G3BP2: variants seen among roughly 807,000 people sequenced by gnomAD.
G3BP2 encodes the protein ras GTPase-activating protein-binding protein 2.
Under a neutral mutation model 56.7 loss-of-function variants are expected in G3BP2, and 11 were observed. The ratio of observed to expected loss-of-function variants is 0.19; its 90% CI spans 0.12 to 0.32. The LOEUF is 0.32. Among genes scored for constraint, G3BP2 ranks in the 10% least tolerant of loss-of-function variants. G3BP2 has a pLI of 1.00. For synonymous variants in G3BP2, 165 were observed against 191.6 expected (o/e 0.86, Z 1.15); for missense variants, 340 against 610.9 (o/e 0.56, Z 4.67).
intron 3 of G3BP2, among the ~76,000 whole-genome samples, chr4:75,703,167 A>G (rs3821977): frequency 0.73 from 110,882 of 152,092 alleles, 41,094 homozygotes; most frequent in East Asian, 0.89. Context: ...GAGAATGTGC[A>G]GACAGGAGGA....
At chr4:75,656,519 A>T (rs946104117) in intron 5 of G3BP2, among the ~76,000 whole-genome samples, 3 of 152,196 alleles carry the variant, frequency 2.0e-5, no homozygotes, top group African/African-American at 7.2e-5. Context: ...ACATCAATGG[A>T]AGATCAATTA....
At chr4:75,694,885 G>T (rs1719039027) in intron 3 of G3BP2, 1 of 985,472 alleles carries the variant, frequency 1.0e-6, no homozygotes, top group Non-Finnish European at 1.2e-6. Flanking sequence ...AGCCGAAGGG[G>T]TTTTCAGTAG....
intron 1 of G3BP2, among the ~76,000 whole-genome samples, chr4:75,666,866 G>C (rs763274903): frequency 6.6e-6 from 1 of 152,160 alleles, no homozygotes; most frequent in Non-Finnish European, 1.5e-5. Flanking sequence ...GAATATGGGA[G>C]TAAAAGGTTT....
upstream of G3BP2, among the ~76,000 whole-genome samples, chr4:75,677,460 A>C (rs1733921280): frequency 6.6e-6 from 1 of 152,142 alleles, no homozygotes; most frequent in Non-Finnish European, 1.5e-5. Flanking sequence ...AGTCCCAGCT[A>C]CTGGGGAGGC....
intron 3 of G3BP2, among the ~76,000 whole-genome samples, chr4:75,687,978 C>T (rs1006819782): frequency 1.3e-5 from 2 of 152,212 alleles, no homozygotes; most frequent in African/African-American, 2.4e-5. Context: ...CAGGTGGCTG[C>T]AGTTTTCCTG....
chr4:75,673,128 T>C (rs960302977), intron 1 of G3BP2, 80 bp downstream of exon 1: 27 of 1,099,838 alleles, frequency 2.5e-5, no homozygotes, highest in African/African-American at 4.9e-5. Flanking sequence ...CACCGGACGA[T>C]TGCCTCGCGC....
chr4:75,650,741 T>A (rs182901279), intron 8 of G3BP2, among the ~76,000 whole-genome samples: 1 of 152,278 alleles, frequency 6.6e-6, no homozygotes, highest in Admixed American at 6.5e-5. Context: ...CTTACTCTAT[T>A]GCCCAGGCTG....
chr4:75,681,446 A>T (rs566775072), intron 3 of G3BP2, among the ~76,000 whole-genome samples: 10 of 152,330 alleles, frequency 6.6e-5, no homozygotes, highest in African/African-American at 2.4e-4. Flanking sequence ...GAAACACCAG[A>T]CAATACCAAA....
intron 2 of G3BP2, among the ~76,000 whole-genome samples, chr4:75,659,886 T>C (rs1732416146): frequency 6.6e-6 from 1 of 152,232 alleles, no homozygotes; most frequent in East Asian, 1.9e-4. Context: ...TGGCAATGTT[T>C]TCTACAGAAC....
upstream of G3BP2, chr4:75,673,884 CACCT>C (rs959012952): frequency 1.6e-5 from 3 of 184,138 alleles, no homozygotes; most frequent in African/African-American, 7.0e-5. Context: ...ACACTAAACT[CACCT>C]ACATTGTTTA....
At chr4:75,704,289 T>C (rs915200065) in intron 3 of G3BP2, among the ~76,000 whole-genome samples, 6 of 152,162 alleles carry the variant, frequency 3.9e-5, no homozygotes, top group Middle Eastern at 3.4e-3. Context: ...AGTGCTGGGA[T>C]TACAGGCGTG....
At chr4:75,699,804 C>A (rs1448660301) in intron 3 of G3BP2, among the ~76,000 whole-genome samples, 2 of 152,060 alleles carry the variant, frequency 1.3e-5, no homozygotes, top group Admixed American at 1.3e-4. Context: ...CCATATTATA[C>A]TATTTATTCA....
At chr4:75,706,572 G>C (rs1447114451) in intron 3 of G3BP2, among the ~76,000 whole-genome samples, 1 of 151,790 alleles carries the variant, frequency 6.6e-6, no homozygotes, top group African/African-American at 2.4e-5. Flanking sequence ...AGCTACTCAG[G>C]AGGCTGAGGT....
intron 1 of G3BP2, among the ~76,000 whole-genome samples, chr4:75,664,351 C>A (rs1578402038): frequency 6.6e-6 from 1 of 151,640 alleles, no homozygotes; most frequent in Non-Finnish European, 1.5e-5. Flanking sequence ...CCAAGGTGGG[C>A]AGATCGCCTG....
intron 9 of G3BP2, 74 bp downstream of exon 9, chr4:75,648,565 G>A: frequency 1.3e-6 from 1 of 770,264 alleles, no homozygotes; most frequent in Admixed American, 2.1e-5. Flanking sequence ...ACGCATCATA[G>A]TTTTTTGTTT....
At chr4:75,676,054 A>G (rs887245392), upstream of G3BP2, among the ~76,000 whole-genome samples, 2 of 152,192 alleles carry the variant, frequency 1.3e-5, no homozygotes, top group African/African-American at 4.8e-5. Context: ...GCGATCTTCA[A>G]TGTTAAGTAA....
chr4:75,652,724 T>A (rs74393945), intron 8 of G3BP2, among the ~76,000 whole-genome samples: 1,628 of 152,256 alleles, frequency 0.011, 36 homozygotes, highest in African/African-American at 0.038. Flanking sequence ...TAAATGTCTG[T>A]GAGTTACTCT....
chr4:75,677,453 C>A (rs1039077212), upstream of G3BP2, among the ~76,000 whole-genome samples: 1 of 152,072 alleles, frequency 6.6e-6, no homozygotes, highest in African/African-American at 2.4e-5. Context: ...CACCTGTAGT[C>A]CCAGCTACTG....
rs373898345 is a variant in G3BP2 at position 75,716,144 on chromosome 4, G to A, written c.-25+4733C>T. 2.0e-5 allele frequency among the ~76,000 whole-genome samples: 3 copies of A among 152,114 alleles called. No individual in the cohort carries two copies. The East Asian group carries it at 5.8e-4, about 29-fold the overall frequency. On this transcript the variant is annotated intron_variant, in intron 3 of 3. Transcript: ENST00000499709. ...GTATTGGAGGTGGGGAGAGGGCAGTGGGAAGGGCAAGTTGGAGCTTTTCTA... is the reference window on the plus strand; with the variant it reads ...GTATTGGAGGTGGGGAGAGGGCAGTAGGAAGGGCAAGTTGGAGCTTTTCTA...
Sources: allele counts gnomAD v4.1 joint callset (sites outside exome capture counted in the v4.1 genomes callset), GRCh38; gene constraint gnomAD v4.1.1; transcripts MANE v1.5; gene names NCBI Gene and HGNC (gene_info 2026-07-23, HGNC 2026-07-21).